AGBL2: variants seen among roughly 807,000 people sequenced by gnomAD.
The protein encoded by AGBL2 is cytosolic carboxypeptidase 2.
AGBL2 carries 87 observed loss-of-function variants against 103.0 expected under a neutral mutation model. The ratio of observed to expected loss-of-function variants is 0.84; its 90% CI spans 0.71 to 1.01. The LOEUF (loss-of-function observed/expected upper bound fraction) is 1.01, where lower values mean the gene tolerates loss of function less well. Among genes scored for constraint, AGBL2 ranks in the 50% least tolerant of loss-of-function variants. The pLI is 0.00. For missense variants in AGBL2, 904 were observed against 1,023.5 expected (o/e 0.88, Z 1.59); for synonymous variants, 335 against 356.7 (o/e 0.94, Z 0.69).
chr11:47,714,155 A>G (rs961058221), intron 3 of AGBL2, 129 bp downstream of exon 3: 1 of 686,652 alleles, frequency 1.5e-6, no homozygotes, highest in Admixed American at 2.6e-5. Context: ...CACTAATGGT[A>G]GAGGAAAAAG....
At chr11:47,673,686 C>T (rs1321578280) in intron 14 of AGBL2, among the ~76,000 whole-genome samples, 2 of 144,054 alleles carry the variant, frequency 1.4e-5, no homozygotes, top group South Asian at 2.2e-4. Context: ...CCCAGCTACT[C>T]GGGAGACTGA....
intron 12 of AGBL2, among the ~76,000 whole-genome samples, chr11:47,681,363 G>T (rs2097400513): frequency 6.6e-6 from 1 of 151,536 alleles, no homozygotes; most frequent in African/African-American, 2.4e-5. Context: ...AAAAAAGAAA[G>T]AAAAAATGAA....
intron 11 of AGBL2, among the ~76,000 whole-genome samples, chr11:47,684,720 C>G (rs1370792135): frequency 6.6e-6 from 1 of 152,136 alleles, no homozygotes; most frequent in Non-Finnish European, 1.5e-5. Context: ...ATGCCTGTCA[C>G]AAAATTAGTC....
chr11:47,664,641 G>A (rs1347457512), intron 17 of AGBL2, among the ~76,000 whole-genome samples: 5 of 151,836 alleles, frequency 3.3e-5, no homozygotes, highest in Non-Finnish European at 7.4e-5. Flanking sequence ...TCAATCTCCT[G>A]ACCTCGTGAT....
At chr11:47,710,302 C>T in intron 4 of AGBL2, 75 bp downstream of exon 4, 7 of 1,586,122 alleles carry the variant, frequency 4.4e-6, no homozygotes, top group Non-Finnish European at 6.0e-6. Flanking sequence ...CATGTTAGAG[C>T]AGATTCTTCT....
chr11:47,706,691 C>T (rs2097521168), intron 4 of AGBL2, among the ~76,000 whole-genome samples: 1 of 151,740 alleles, frequency 6.6e-6, no homozygotes, highest in South Asian at 2.1e-4. Flanking sequence ...AGTCCAGCCT[C>T]AAAAGAATGT....
intron 7 of AGBL2, among the ~76,000 whole-genome samples, chr11:47,701,240 G>A (rs1311052210): frequency 2.0e-5 from 3 of 151,564 alleles, no homozygotes; most frequent in African/African-American, 7.3e-5. Context: ...GGAGGCCGAA[G>A]CGGGCGGATC....
intron 14 of AGBL2, among the ~76,000 whole-genome samples, chr11:47,670,433 C>T (rs1275891671): frequency 2.6e-5 from 4 of 151,500 alleles, no homozygotes; most frequent in South Asian, 2.1e-4. Context: ...TGCAGTGAGC[C>T]GAGATTGTGC....
chr11:47,674,723 G>GTTAT (rs2097368845), intron 14 of AGBL2, among the ~76,000 whole-genome samples: 1 of 151,798 alleles, frequency 6.6e-6, no homozygotes, highest in Non-Finnish European at 1.5e-5. Flanking sequence ...TCTGATTTAG[G>GTTAT]TTATTTATTT....
At chr11:47,678,338 A>ATTTTTTTTTTTTTTTTTTTTTTTTT (rs1196435610) in intron 13 of AGBL2, among the ~76,000 whole-genome samples, 13 of 95,302 alleles carry the variant, frequency 1.4e-4, no homozygotes, top group East Asian at 3.2e-4. Context: ...TTATTTTATT[A>ATTTTTTTTTTTTTTTTTTTTTTTTT]TTTTATTTTT....
chr11:47,701,422 A>C (rs1428105722), intron 7 of AGBL2, among the ~76,000 whole-genome samples: 2 of 147,764 alleles, frequency 1.4e-5, no homozygotes, highest in Admixed American at 6.9e-5. Context: ...GTGAGCCGAG[A>C]TTGTGCCATT....
At chr11:47,677,194 G>T in intron 14 of AGBL2, 77 bp downstream of exon 14, 1 of 1,227,178 alleles carries the variant, frequency 8.1e-7, no homozygotes, top group Non-Finnish European at 1.1e-6. Context: ...TTTTTGTAGA[G>T]ACAACATCTC....
At chr11:47,701,875 G>A (rs569811903) in intron 7 of AGBL2, among the ~76,000 whole-genome samples, 1 of 151,568 alleles carries the variant, frequency 6.6e-6, no homozygotes, top group East Asian at 2.0e-4. Flanking sequence ...TTGGGAGGCT[G>A]TGGCAGAGAA....
At chr11:47,686,959 C>CAAAA (rs56079169) in intron 10 of AGBL2, among the ~76,000 whole-genome samples, 3 of 51,586 alleles carry the variant, frequency 5.8e-5, no homozygotes, top group Non-Finnish European at 1.0e-4. Context: ...AACTCTATCT[C>CAAAA]AAAAAAAAAA....
chr11:47,681,246 C>T (rs966560055), intron 12 of AGBL2, among the ~76,000 whole-genome samples: 2 of 151,848 alleles, frequency 1.3e-5, no homozygotes, highest in Non-Finnish European at 2.9e-5. Flanking sequence ...GTGGGAGAAT[C>T]GCTTGAGCCT....
chr11:47,699,982 G>A (rs2097491724), intron 7 of AGBL2, among the ~76,000 whole-genome samples: 2 of 131,642 alleles, frequency 1.5e-5, no homozygotes, highest in African/African-American at 5.0e-5. Context: ...TTTTGAGATG[G>A]AGTCTTGCTC....
rs905498923 is a variant in AGBL2 at position 47,675,385 on chromosome 11, T to G, written c.2147+1886A>C. 3.1e-5 allele frequency among the ~76,000 whole-genome samples: 4 copies of G among 128,400 alleles called. No individual in the cohort carries two copies. The East Asian group carries it at 6.8e-4, about 22-fold the overall frequency. The allele number at this position is 128,400 out of a possible 152,430, so 84.2% of individuals were successfully genotyped here. On this transcript the variant is annotated intron_variant, in intron 14 of 18. Transcript: ENST00000525123. ...CCGACCCCCTGCTAAGTTTTTTTTT[T>G]TTTTTTTTTTTTTTTTGAGACCAGA...
chr11:47,700,324 A>G (rs1257579631), intron 7 of AGBL2, among the ~76,000 whole-genome samples: 1 of 152,056 alleles, frequency 6.6e-6, no homozygotes, highest in Non-Finnish European at 1.5e-5. Context: ...TATGCCTGTA[A>G]TCCCAGCACT....
At chr11:47,668,197 A>C (rs1266730706) in intron 15 of AGBL2, among the ~76,000 whole-genome samples, 1 of 125,682 alleles carries the variant, frequency 8.0e-6, no homozygotes, top group African/African-American at 2.8e-5. Context: ...CGACAGAGTG[A>C]GACTCCATCT....
Sources: allele counts gnomAD v4.1 joint callset (sites outside exome capture counted in the v4.1 genomes callset), GRCh38; gene constraint gnomAD v4.1.1; transcripts MANE v1.5; gene names NCBI Gene and HGNC (gene_info 2026-07-23, HGNC 2026-07-21).